PDE8A: variants seen among roughly 807,000 people sequenced by gnomAD.
PDE8A encodes phosphodiesterase 8A.
Under a neutral mutation model 105.0 loss-of-function variants are expected in PDE8A, and 59 were observed. That is an observed-to-expected ratio of 0.56 (90% CI 0.46 to 0.70). The LOEUF (loss-of-function observed/expected upper bound fraction) is 0.70, where lower values mean the gene tolerates loss of function less well. PDE8A is among the 30% of genes least tolerant of loss of function. PDE8A has a pLI of 0.00. For missense variants in PDE8A, 1,014 were observed against 1,045.9 expected, an observed-to-expected ratio of 0.97 and a Z score of 0.42; for synonymous variants, 355 against 371.9, an observed-to-expected ratio of 0.95 and a Z score of 0.52.
At chr15:85,027,723 T>C (rs1022253308) in intron 1 of PDE8A, among the ~76,000 whole-genome samples, 1 of 152,250 alleles carries the variant, frequency 6.6e-6, no homozygotes, top group African/African-American at 2.4e-5. Context: ...TTATTTCTTC[T>C]TATTAAAATG....
At chr15:85,010,611 C>T (rs1444765460) in intron 1 of PDE8A, among the ~76,000 whole-genome samples, 1 of 152,088 alleles carries the variant, frequency 6.6e-6, no homozygotes, top group African/African-American at 2.4e-5. Context: ...TTATGCCAGT[C>T]ATTATGTCTC....
chr15:85,055,942 G>A (rs1435340723), intron 1 of PDE8A, among the ~76,000 whole-genome samples: 2 of 152,190 alleles, frequency 1.3e-5, no homozygotes, highest in Non-Finnish European at 2.9e-5. Flanking sequence ...TGCAGTGGCT[G>A]GTACTGGTTG....
rs1476547982 is a variant in PDE8A, at chr15:85,036,776, A to G, written c.187-27594A>G. Among the ~76,000 whole-genome samples the G allele has an allele frequency of 2.0e-5, 3 of 152,156 alleles. No homozygotes were observed. The East Asian group carries it at 5.8e-4, about 29-fold the overall frequency. On this transcript the variant is annotated intron_variant, in intron 1 of 21. Coordinates refer to ENST00000394553, the MANE Select transcript of PDE8A (RefSeq NM_002605.3). ...GGAGGGACACAGTAGAAGAATCTCT[A>G]GAGACATCACAAAAATGCTTTTTTA...
At chr15:85,118,591 A>T (rs2082132359) in intron 17 of PDE8A, among the ~76,000 whole-genome samples, 1 of 152,118 alleles carries the variant, frequency 6.6e-6, no homozygotes, top group African/African-American at 2.4e-5. Context: ...CTCCCTCAGG[A>T]TTTAAACTTT....
At chr15:85,099,872 C>A (rs2081829297) in intron 9 of PDE8A, 143 bp from the exon 10 acceptor site, 1 of 672,282 alleles carries the variant, frequency 1.5e-6, no homozygotes, top group South Asian at 1.9e-5. Flanking sequence ...TTATTGGTGG[C>A]CTTGGTCACA....
Position 85,139,041 on chromosome 15 carries a change from A to C in PDE8A, c.*1138A>C, listed in dbSNP as rs1411973365. On this transcript the variant is annotated 3_prime_UTR_variant, in exon 22 of 22. Transcript: ENST00000394553. ...TTGAATAAGCATAATACCATAAAAA[A>C]TGACACTTGACATGTCAATGTATTT... is the stretch of plus-strand genomic sequence containing the variant. 1 of 152,216 alleles carries C rather than the reference A, an allele frequency of 6.6e-6. No homozygotes were observed. The highest frequency in any genetic ancestry group is 1.5e-5 in the Non-Finnish European group (1 of 68,034). 9.4% of individuals were successfully genotyped at this position (152,216 alleles called of 1,614,324 possible).
At chr15:85,112,309 A>G (rs1489085998) in intron 12 of PDE8A, among the ~76,000 whole-genome samples, 1 of 152,178 alleles carries the variant, frequency 6.6e-6, no homozygotes, top group African/African-American at 2.4e-5. Context: ...TGGTGAGAAC[A>G]CTTAAAATCT....
intron 1 of PDE8A, among the ~76,000 whole-genome samples, chr15:85,051,777 A>G (rs1463983704): frequency 6.6e-6 from 1 of 152,102 alleles, no homozygotes; most frequent in African/African-American, 2.4e-5. Context: ...GTGTTTGTGC[A>G]AAGGACGTGA....
rs781272010 is a variant in PDE8A at position 85,117,696 on chromosome 15, T to G, written c.1591T>G (p.Leu531Val). ...TGCTCGCTTTGGAATCTGTGAATTC[T>G]TACACTGCTCCGAGTCAACGCTAAG... ...MFARFGICEF[L>V]HCSESTLRSW... Residue 531 changes from leucine to valine, a missense_variant, in exon 17 of 22, where the codon TTA (leucine) becomes GTA (valine). Physicochemically the swap from Leu to Val is conservative, Grantham distance 32 (BLOSUM62 1). Coordinates refer to ENST00000394553, the MANE Select transcript of PDE8A (RefSeq NM_002605.3). The G allele has an allele frequency of 6.2e-7, 1 of 1,614,152 alleles. No homozygotes were observed. The highest frequency in any genetic ancestry group is 2.2e-5 in the East Asian group (1 of 44,884).
intron 11 of PDE8A, among the ~76,000 whole-genome samples, chr15:85,101,492 G>A (rs1447448568): frequency 6.6e-5 from 10 of 152,216 alleles, no homozygotes; most frequent in Admixed American, 6.5e-4. Flanking sequence ...AAGGTCAATG[G>A]GGAAAGAGGT....
chr15:85,062,503 C>G (rs2141447347), intron 1 of PDE8A: 1 of 152,340 alleles, frequency 6.6e-6, no homozygotes, highest in East Asian at 1.9e-4. Flanking sequence ...TCCTAGAAGT[C>G]TCTTCAACTG....
intron 1 of PDE8A, among the ~76,000 whole-genome samples, chr15:85,037,195 A>G (rs930742330): frequency 6.6e-6 from 1 of 151,556 alleles, no homozygotes; most frequent in African/African-American, 2.4e-5. Context: ...CCTCCCAAGT[A>G]GCTGGGATTA....
At position 85,003,251 on chromosome 15, in the gene PDE8A, T is replaced by A. The variant is rs970659172; in HGVS notation, c.186+20903T>A. Among the ~76,000 whole-genome samples the A allele has an allele frequency of 2.0e-5, 3 of 152,214 alleles. No homozygotes were observed. The East Asian group carries it at 5.8e-4, about 29-fold the overall frequency. On this transcript the variant is annotated intron_variant, in intron 1 of 21. Coordinates refer to ENST00000394553, the MANE Select transcript of PDE8A (RefSeq NM_002605.3). Reference sequence around the variant, plus strand: ...CCATCTTTCCCTGTCATTGGTGCCATCTTTGTTTCCTTGGGCTACTTTTTG... The same window carrying A: ...CCATCTTTCCCTGTCATTGGTGCCAACTTTGTTTCCTTGGGCTACTTTTTG...
At position 85,083,613 on chromosome 15, in the gene PDE8A, T is replaced by A; in HGVS notation, c.604T>A (p.Phe202Ile). ...ACYNELLQLE[F>I]GEVRSQLKLR... ...CTACAATGAACTGCTCCAGCTGGAG[T>A]TTGGAGAGGTGCGATCACAACTGAA... Residue 202 changes from phenylalanine (F) to isoleucine (I), a missense_variant, in exon 6 of 22, where the codon TTT becomes ATT. Phe to Ile is a conservative substitution (Grantham distance 21). Coordinates refer to ENST00000394553, the MANE Select transcript of PDE8A (RefSeq NM_002605.3). 6.2e-7 allele frequency: 1 copy of A among 1,613,302 alleles called. No individual in the cohort carries two copies. Among genetic ancestry groups the A allele is most frequent in the Non-Finnish European group, 8.5e-7 (1 of 1,179,424 alleles).
intron 1 of PDE8A, among the ~76,000 whole-genome samples, chr15:85,031,410 C>T (rs186951209): frequency 8.5e-5 from 13 of 152,256 alleles, no homozygotes; most frequent in East Asian, 3.9e-4. Context: ...TTGCTCTCCT[C>T]GCCTGTATGC....
intron 1 of PDE8A, among the ~76,000 whole-genome samples, chr15:85,050,320 G>A (rs2080953181): frequency 6.6e-6 from 1 of 152,118 alleles, no homozygotes; most frequent in South Asian, 2.1e-4. Flanking sequence ...AAATTTTGAT[G>A]AAGTTTAATT....
At chr15:85,029,091 C>T (rs1037742023) in intron 1 of PDE8A, among the ~76,000 whole-genome samples, 4 of 152,000 alleles carry the variant, frequency 2.6e-5, no homozygotes, top group African/African-American at 9.7e-5. Flanking sequence ...TCTTATTTGC[C>T]TGTAGTAAAA....
intron 20 of PDE8A, among the ~76,000 whole-genome samples, chr15:85,133,268 C>T (rs978806061): frequency 6.6e-6 from 1 of 152,178 alleles, no homozygotes; most frequent in African/African-American, 2.4e-5. Flanking sequence ...CTCTTGTCTT[C>T]AGGCATCCAT....
rs182312985 is a variant in PDE8A at position 85,067,920 on chromosome 15, T to A, written c.434+716T>A. 6.5e-3 allele frequency among the ~76,000 whole-genome samples: 985 copies of A among 152,282 alleles called. 14 individuals are homozygous for A. The highest frequency in any genetic ancestry group is 0.022 in the African/African-American group (933 of 41,558). On this transcript the variant is annotated intron_variant, in intron 3 of 21. Coordinates refer to ENST00000394553, the MANE Select transcript of PDE8A (RefSeq NM_002605.3). ...AGTCAGACTAGGTAGCGTTTACCCT[T>A]CCATGACTTGCCTCCAGTAGTTTCT...
Sources: allele counts gnomAD v4.1 joint callset (sites outside exome capture counted in the v4.1 genomes callset), GRCh38; gene constraint gnomAD v4.1.1; transcripts MANE v1.5; gene names NCBI Gene and HGNC (gene_info 2026-07-23, HGNC 2026-07-21).